The following AKTIP variants were observed in gnomAD, a reference collection of about 807,000 sequenced individuals.
AKTIP encodes the protein AKT interacting protein.
A neutral mutation model predicts 39.1 loss-of-function variants in AKTIP; 16 were observed. The observed-to-expected ratio is 0.41, with a 90% CI of 0.28 to 0.62. The LOEUF is 0.62. AKTIP is among the 20% of genes least tolerant of loss of function. AKTIP has a pLI of 0.32. For synonymous variants in AKTIP, 93 were observed against 124.3 expected (o/e 0.75, Z 1.67); for missense variants, 262 against 356.6 (o/e 0.73, Z 2.14).
intron 3 of AKTIP, among the ~76,000 whole-genome samples, chr16:53,497,589 C>T (rs1042943963): frequency 6.6e-6 from 1 of 152,204 alleles, no homozygotes; most frequent in Non-Finnish European, 1.5e-5. Context: ...TGTCAGGAGG[C>T]TGCCTACAAG....
intron 9 of AKTIP, 72 bp downstream of exon 9, chr16:53,492,621 G>A: frequency 6.3e-7 from 1 of 1,596,980 alleles, no homozygotes; most frequent in Middle Eastern, 1.7e-4. Context: ...TATGTAATGA[G>A]CAGTCTCCAA....
chr16:53,494,305 AT>A (rs779853418), intron 7 of AKTIP, 33 bp downstream of exon 7: 100 of 1,612,370 alleles, frequency 6.2e-5, no homozygotes, highest in Non-Finnish European at 8.1e-5. Context: ...GCATCTTCAA[AT>A]TTATTTTAAA....
intron 3 of AKTIP, among the ~76,000 whole-genome samples, chr16:53,497,931 TAG>T (rs1961939143): frequency 6.6e-6 from 1 of 152,226 alleles, no homozygotes; most frequent in South Asian, 2.1e-4. Context: ...GTATTTTTAG[TAG>T]AGACGGGGTT....
intron 2 of AKTIP, among the ~76,000 whole-genome samples, chr16:53,499,857 C>G (rs939337566): frequency 1.4e-4 from 21 of 151,790 alleles, no homozygotes; most frequent in African/African-American, 5.1e-4. Flanking sequence ...AAATTAGTGC[C>G]CCTCAAGTCT....
chr16:53,497,955 G>A (rs1453401910), intron 3 of AKTIP, among the ~76,000 whole-genome samples: 1 of 152,152 alleles, frequency 6.6e-6, no homozygotes, highest in African/African-American at 2.4e-5. Flanking sequence ...CACCATCTTG[G>A]CCAGGCTGGT....
chr16:53,494,678 T>C (rs2150852374), intron 5 of AKTIP, 73 bp from the exon 6 acceptor site: 1 of 1,415,222 alleles, frequency 7.1e-7, no homozygotes, highest in African/African-American at 1.4e-5. Flanking sequence ...GGAATCGTGA[T>C]AAAAAGAGCT....
In AKTIP at chr16:53,492,301, T is replaced by G. The variant is rs1961530250; in HGVS notation, c.*111A>C. On this transcript the variant is annotated 3_prime_UTR_variant, in exon 10 of 10. Transcript: ENST00000394657. The stretch of plus-strand genomic sequence containing the variant: ...ATGCATACATGGAAAACACTGGCAG[T>G]CAGTCATTGTTCACACAGTTTTACT... The G allele has an allele frequency of 2.2e-6, 2 of 902,078 alleles. No homozygotes were observed. Among genetic ancestry groups the G allele is most frequent in the Non-Finnish European group, 3.5e-6 (2 of 575,628 alleles). 55.9% of individuals were successfully genotyped at this position (902,078 alleles called of 1,614,324 possible).
chr16:53,492,962 C>T, intron 8 of AKTIP: 1 of 541,722 alleles, frequency 1.8e-6, no homozygotes, highest in Non-Finnish European at 3.3e-6. Flanking sequence ...CCTCACACCA[C>T]CCCTTGAAGT....
At chr16:53,495,491 A>T (rs1961776832) in intron 3 of AKTIP, among the ~76,000 whole-genome samples, 165 bp from the exon 4 acceptor site, 1 of 152,234 alleles carries the variant, frequency 6.6e-6, no homozygotes, top group Non-Finnish European at 1.5e-5. Flanking sequence ...CAACTCAGGA[A>T]AGAGCCCCAG....
At chr16:53,503,534 C>A (rs1402426939), upstream of AKTIP, among the ~76,000 whole-genome samples, 3 of 152,230 alleles carry the variant, frequency 2.0e-5, no homozygotes, top group Admixed American at 6.5e-5. Context: ...AGGGATGGGG[C>A]AGAGACAAAC....
chr16:53,503,034 G>A (rs1296870409), intron 1 of AKTIP, 113 bp downstream of exon 1: 1 of 152,280 alleles, frequency 6.6e-6, no homozygotes, highest in East Asian at 1.9e-4. Flanking sequence ...CCGTCGCCGA[G>A]TCGCGAGCGC....
intron 2 of AKTIP, among the ~76,000 whole-genome samples, chr16:53,499,449 G>GTTTTTTTTTTTTTTTT (rs56138099): frequency 7.7e-6 from 1 of 130,706 alleles, no homozygotes. Flanking sequence ...TGAGATTATA[G>GTTTTTTTTTTTTTTTT]TTTTTTTTTT....
At position 53,492,425 on chromosome 16, in the gene AKTIP, G is replaced by A; in HGVS notation, c.866C>T (p.Thr289Ile). The change falls in exon 10 of 10, where the codon ACA becomes ATA. Residue 289 changes from threonine (T) to isoleucine (I), a missense_variant. Around this residue, in one of 4 missense-constraint regions of AKTIP, gnomAD observed 145 missense variants for 159.3 expected, o/e 0.91. Coordinates refer to ENST00000394657, the MANE Select transcript of AKTIP (RefSeq NM_022476.4). ...SVQPFSKEEK[T>I]VAT ...ATTCACCATCTCTTAAGTCGCCACTGTTTTCTCTTCTTTACTGAAAGGCTG... is the reference window on the plus strand; with the variant it reads ...ATTCACCATCTCTTAAGTCGCCACTATTTTCTCTTCTTTACTGAAAGGCTG... 2 of 1,612,414 alleles carry A rather than the reference G, an allele frequency of 1.2e-6. No individual in the cohort carries two copies. Among genetic ancestry groups the A allele is most frequent in the South Asian group, 2.2e-5 (2 of 91,012 alleles).
At chr16:53,495,819 C>A (rs187699167) in intron 3 of AKTIP, among the ~76,000 whole-genome samples, 1 of 152,168 alleles carries the variant, frequency 6.6e-6, no homozygotes, top group Non-Finnish European at 1.5e-5. Context: ...AATTGGGTCA[C>A]AAAGTTGTCA....
chr16:53,500,794 A>T (rs1962122491), intron 1 of AKTIP, among the ~76,000 whole-genome samples: 1 of 152,212 alleles, frequency 6.6e-6, no homozygotes, highest in African/African-American at 2.4e-5. Context: ...GCATCTTCAG[A>T]AATAGTTTCC....
At chr16:53,494,770 A>C (rs915208586) in intron 5 of AKTIP, 165 bp from the exon 6 acceptor site, 19 of 766,822 alleles carry the variant, frequency 2.5e-5, no homozygotes, top group Non-Finnish European at 4.1e-5. Context: ...TTTTCCTGAA[A>C]AACTAAATTT....
chr16:53,503,417 C>A (rs1220857186), upstream of AKTIP, among the ~76,000 whole-genome samples: 3 of 152,214 alleles, frequency 2.0e-5, no homozygotes, highest in Non-Finnish European at 4.4e-5. Flanking sequence ...CACACTCGGT[C>A]CTGCAAATCA....
chr16:53,497,725 G>A lies in AKTIP; in HGVS notation c.248+666C>T, dbSNP rs1240694081. 3.9e-5 allele frequency among the ~76,000 whole-genome samples: 6 copies of A among 152,312 alleles called. No homozygotes were observed. In the East Asian group the frequency reaches 1.2e-3, roughly 29 times the overall value. On this transcript the variant is annotated intron_variant, in intron 3 of 9. Transcript: ENST00000394657. ...GGCGAATTCCTCACTTCACATAAAC[G>A]AAGACTAAATTTATTAAGTTCCTAA... is the stretch of plus-strand genomic sequence containing the variant.
chr16:53,500,219 T>C lies in AKTIP; in HGVS notation c.41A>G (p.Lys14Arg), dbSNP rs1371166754. The C allele has an allele frequency of 1.7e-5, 28 of 1,609,992 alleles. No homozygotes were observed. The highest frequency in any genetic ancestry group is 2.4e-5 in the Non-Finnish European group (28 of 1,177,372). ...ACTGAATTTATCAACTATACCTACT[T>C]TGCGTACAGAGCTTGTAGACATGCT... The part of the protein sequence containing the change: ...FWSMSTSSVR[K>R]RSEGEEKTLT... The change falls in exon 2 of 10, where the codon AAA becomes AGA. Residue 14 changes from lysine (K) to arginine (R), a missense_variant and splice_region_variant. Physicochemically the swap from Lys to Arg is conservative, Grantham distance 26. Transcript: ENST00000394657.
Sources: gnomAD v4.1 joint callset for allele counts (sites outside exome capture counted in the v4.1 genomes callset) on GRCh38, gnomAD v4.1.1 for gene constraint, gnomAD v4.1.1 regional missense constraint, MANE v1.5 for transcripts, NCBI Gene and HGNC (gene_info 2026-07-23, HGNC 2026-07-21) for gene names.